Variants in ACYP2 observed in about 807,000 individuals in gnomAD.
ACYP2 encodes the protein acylphosphatase-2.
In ACYP2, 12 loss-of-function variants were observed where a neutral mutation model predicts 11.2. The ratio of observed to expected loss-of-function variants is 1.08; its 90% CI spans 0.69 to 1.74. The LOEUF (loss-of-function observed/expected upper bound fraction) is 1.74. ACYP2 is among the 40% of genes most tolerant of loss of function. ACYP2 has a pLI of 0.00. For missense variants in ACYP2, 134 were observed against 101.9 expected, an observed-to-expected ratio of 1.31 and a Z score of -1.35; for synonymous variants, 43 against 32.2, an observed-to-expected ratio of 1.33 and a Z score of -1.13.
intron 4 of ACYP2, among the ~76,000 whole-genome samples, chr2:54,128,727 T>C (rs1354203839): frequency 6.6e-6 from 1 of 152,160 alleles, no homozygotes. Context: ...CCCCCCTTTT[T>C]TAAAAAAAAT....
At chr2:54,182,047 ATTTTTT>A (rs35145998) in intron 6 of ACYP2, among the ~76,000 whole-genome samples, 230 of 83,062 alleles carry the variant, frequency 2.8e-3, no homozygotes, top group African/African-American at 0.011. Context: ...ATAGAAGATA[ATTTTTT>A]TTTTTTTTTT....
intron 2 of ACYP2, among the ~76,000 whole-genome samples, chr2:54,004,913 A>C (rs1432365671): frequency 3.3e-5 from 5 of 150,794 alleles, no homozygotes; most frequent in Admixed American, 2.6e-4. Context: ...AAAAAAAAAA[A>C]AACAAAAGAA....
At chr2:54,265,585 T>C (rs1396402386) in intron 6 of ACYP2, among the ~76,000 whole-genome samples, 2 of 152,246 alleles carry the variant, frequency 1.3e-5, no homozygotes, top group African/African-American at 4.8e-5. Context: ...TGGCCTATTA[T>C]GACTTTGGGC....
intron 6 of ACYP2, chr2:54,255,817 T>C (rs1335461532): frequency 1.9e-6 from 3 of 1,613,876 alleles, no homozygotes; most frequent in South Asian, 2.2e-5. Context: ...AAAGCCATTT[T>C]TGAGGCTGCC....
At chr2:54,271,725 G>A (rs1161551511) in intron 6 of ACYP2, among the ~76,000 whole-genome samples, 2 of 151,844 alleles carry the variant, frequency 1.3e-5, no homozygotes, top group Non-Finnish European at 2.9e-5. Context: ...TTTTTTCTGT[G>A]TCCCCTCCAC....
At chr2:54,298,638 G>A (rs113341936) in intron 6 of ACYP2, among the ~76,000 whole-genome samples, 21 of 152,258 alleles carry the variant, frequency 1.4e-4, no homozygotes, top group Non-Finnish European at 1.5e-5. Flanking sequence ...GCTACTGGAA[G>A]TGGGCATGAA....
intron 4 of ACYP2, chr2:54,066,190 G>A (rs1377993794): frequency 1.3e-5 from 2 of 152,188 alleles, no homozygotes; most frequent in Non-Finnish European, 2.9e-5. Context: ...ATTGGATCAT[G>A]GCGGCAGTTT....
At chr2:54,197,969 ATTGTATTG>A (rs1294877472) in intron 6 of ACYP2, among the ~76,000 whole-genome samples, 1 of 112,880 alleles carries the variant, frequency 8.9e-6, no homozygotes, top group Non-Finnish European at 1.7e-5. Context: ...ATTGTATTGT[ATTGTATTG>A]TATTGTATTG....
Position 54,038,673 on chromosome 2 carries a change from C to CTATATATATA in ACYP2, c.63-12254_63-12245dup, listed in dbSNP as rs56817782. On this transcript the variant is annotated intron_variant, in intron 2 of 6. Transcript: ENST00000607452. Reference sequence around the variant, plus strand: ...TCATTCAATAAATCTTTATTGAATACTATATATATATATATATATATATAT... The same window carrying CTATATATATA: ...TCATTCAATAAATCTTTATTGAATACTATATATATATATATATATATATATATATATATAT... Among the ~76,000 whole-genome samples the CTATATATATA allele has an allele frequency of 1.6e-3, 174 of 106,032 alleles. 2 individuals carry two copies. Among genetic ancestry groups the CTATATATATA allele is most frequent in the Non-Finnish European group, 2.1e-3 (110 of 52,470 alleles). The allele number at this position is 106,032 out of a possible 152,430, so 69.6% of individuals were successfully genotyped here.
chr2:54,035,009 CAAA>C (rs550142135), intron 2 of ACYP2, among the ~76,000 whole-genome samples: 1,164 of 44,432 alleles, frequency 0.026, 3 homozygotes, highest in African/African-American at 0.068. Context: ...GACTACATCT[CAAA>C]AAAAAAAAAA....
chr2:54,141,495 G>A (rs1416552132), intron 6 of ACYP2, among the ~76,000 whole-genome samples: 3 of 151,890 alleles, frequency 2.0e-5, no homozygotes, highest in African/African-American at 4.8e-5. Flanking sequence ...TTGTCCTGGC[G>A]CCACTTACTA....
At chr2:54,026,267 A>G (rs1467286850) in intron 2 of ACYP2, among the ~76,000 whole-genome samples, 1 of 152,242 alleles carries the variant, frequency 6.6e-6, no homozygotes, top group Non-Finnish European at 1.5e-5. Flanking sequence ...AAGGACATGA[A>G]TAGACAGTTC....
intron 6 of ACYP2, among the ~76,000 whole-genome samples, chr2:54,296,765 G>T (rs1689539364): frequency 6.6e-6 from 1 of 152,122 alleles, no homozygotes; most frequent in African/African-American, 2.4e-5. Flanking sequence ...AGAGTGAAGA[G>T]GGACACATGG....
chr2:53,994,331 A>G (rs1672455178), intron 2 of ACYP2, among the ~76,000 whole-genome samples: 1 of 55,428 alleles, frequency 1.8e-5, no homozygotes, highest in Non-Finnish European at 3.6e-5. Flanking sequence ...CTCCGTCTCA[A>G]AAAAAAAAAA....
intron 6 of ACYP2, among the ~76,000 whole-genome samples, chr2:54,178,994 G>A (rs751230660): frequency 6.6e-6 from 1 of 152,102 alleles, no homozygotes; most frequent in Non-Finnish European, 1.5e-5. Context: ...CAAGATCAAG[G>A]TGCCAGCAGA....
chr2:54,018,570 T>C (rs1239180758), intron 2 of ACYP2, among the ~76,000 whole-genome samples: 6 of 151,854 alleles, frequency 4.0e-5, no homozygotes, highest in Admixed American at 6.6e-5. Flanking sequence ...CCCAGCACTT[T>C]GGGAGGCTGA....
At chr2:54,040,581 T>C (rs1412748049) in intron 2 of ACYP2, among the ~76,000 whole-genome samples, 5 of 152,128 alleles carry the variant, frequency 3.3e-5, no homozygotes, top group African/African-American at 1.2e-4. Context: ...GGACCTAACA[T>C]AGAAGACTGA....
intron 6 of ACYP2, among the ~76,000 whole-genome samples, chr2:54,211,473 A>G (rs1263252443): frequency 6.6e-6 from 1 of 152,232 alleles, no homozygotes. Flanking sequence ...TTGCTCTGCT[A>G]ATCCCATCTA....
At chr2:54,282,603 T>C (rs367739322) in intron 6 of ACYP2, among the ~76,000 whole-genome samples, 173 of 152,352 alleles carry the variant, frequency 1.1e-3, no homozygotes, top group South Asian at 0.011. Flanking sequence ...TTGTTTTTGT[T>C]CTATTGCTTG....
Sources: allele counts gnomAD v4.1 joint callset (sites outside exome capture counted in the v4.1 genomes callset), GRCh38; gene constraint gnomAD v4.1.1; transcripts MANE v1.5; gene names NCBI Gene and HGNC (gene_info 2026-07-23, HGNC 2026-07-21).